Variants in FBXO38 observed in about 807,000 individuals in gnomAD.
FBXO38 encodes F-box only protein 38.
In FBXO38, 53 loss-of-function variants were observed where a neutral mutation model predicts 131.9. That is an observed-to-expected ratio of 0.40 (90% CI 0.32 to 0.51). The LOEUF is 0.51. Among genes scored for constraint, FBXO38 ranks in the 20% least tolerant of loss-of-function variants. The probability of loss-of-function intolerance (pLI) is 0.53; values close to 1 mark genes in which losing one functional copy is unlikely to be tolerated. For synonymous variants in FBXO38, 452 were observed against 505.6 expected, an observed-to-expected ratio of 0.89 and a Z score of 1.42; for missense variants, 1,076 against 1,475.6, an observed-to-expected ratio of 0.73 and a Z score of 4.44.
chr5:148,442,062 A>G lies in FBXO38; in HGVS notation c.3482A>G (p.Lys1161Arg), dbSNP rs997254848. 1.2e-6 allele frequency: 2 copies of G among 1,614,122 alleles called. No individual in the cohort carries two copies. The highest frequency in any genetic ancestry group is 2.2e-5 in the East Asian group (1 of 44,876). Residue 1161 changes from lysine to arginine, a missense_variant, in exon 22 of 22, where the codon AAG (lysine) becomes AGG (arginine). Physicochemically the swap from Lys to Arg is conservative, Grantham distance 26 (BLOSUM62 2). Around this residue, in one of 8 missense-constraint regions of FBXO38, gnomAD observed 282 missense variants for 418.8 expected, o/e 0.67. Coordinates refer to ENST00000340253, the MANE Select transcript of FBXO38 (RefSeq NM_205836.3). The part of the protein sequence containing the change: ...GEEISEMRQM[K>R]KGVFQRVVAI... ...GAAATTTCAGAGATGCGTCAGATGA[A>G]GAAGGGTGTATTTCAGCGAGTAGTG...
intron 21 of FBXO38, among the ~76,000 whole-genome samples, chr5:148,441,675 G>A (rs1360952659): frequency 6.6e-6 from 1 of 152,134 alleles, no homozygotes; most frequent in African/African-American, 2.4e-5. Context: ...AATATTTATT[G>A]TTAACCAAAG....
rs942337767 is a variant in FBXO38, at chr5:148,424,205, T to C, written c.1738+88T>C. The C allele has an allele frequency of 3.8e-6, 5 of 1,327,716 alleles. No individual in the cohort carries two copies. In the African/African-American group the frequency reaches 5.9e-5, roughly 16 times the overall value. The allele number at this position is 1,327,716 out of a possible 1,614,324, so 82.2% of individuals were successfully genotyped here. On this transcript the variant is annotated intron_variant, in intron 13 of 21. Coordinates refer to ENST00000340253, the MANE Select transcript of FBXO38 (RefSeq NM_205836.3). ...CATGAGACAGCGAGAATGATTGTTT[T>C]CTGACCTTTCAGCTAATGATACGTT...
intron 3 of FBXO38, among the ~76,000 whole-genome samples, chr5:148,400,620 G>A (rs1219670839): frequency 6.6e-6 from 1 of 152,022 alleles, no homozygotes; most frequent in East Asian, 1.9e-4. Flanking sequence ...CCTATTATCT[G>A]GCATTTAACT....
At chr5:148,428,579 T>A (rs906237081) in intron 15 of FBXO38, among the ~76,000 whole-genome samples, 3 of 152,226 alleles carry the variant, frequency 2.0e-5, no homozygotes, top group Non-Finnish European at 4.4e-5. Context: ...TAATCATAAG[T>A]CTGTTACTGT....
chr5:148,441,527 A>C, intron 21 of FBXO38: 1 of 244,188 alleles, frequency 4.1e-6, no homozygotes, highest in African/African-American at 2.2e-5. Context: ...AACTTCAACT[A>C]TATTGTTTCA....
At chr5:148,401,662 C>T (rs977616761) in intron 3 of FBXO38, among the ~76,000 whole-genome samples, 1 of 152,050 alleles carries the variant, frequency 6.6e-6, no homozygotes, top group African/African-American at 2.4e-5. Context: ...CCACTCCATC[C>T]ACCAAATAGG....
Position 148,442,018 on chromosome 5 carries a change from T to C in FBXO38, c.3438T>C (p.Cys1146=). Residue 1146 remains cysteine (C), a synonymous_variant, in exon 22 of 22, where the codon TGT becomes TGC. Transcript: ENST00000340253. ...RRKGQLSADI[C]METIGEEISE... ...AAGGACAGCTGTCTGCAGACATCTG[T>C]ATGGAAACAATAGGAGAGGAAATTT... 1 of 1,614,150 alleles carries C rather than the reference T, an allele frequency of 6.2e-7. No homozygotes were observed. Among genetic ancestry groups the C allele is most frequent in the Non-Finnish European group, 8.5e-7 (1 of 1,179,988 alleles).
At chr5:148,438,529 A>G (rs375229980) in intron 18 of FBXO38, 31 bp downstream of exon 18, 28 of 1,596,598 alleles carry the variant, frequency 1.8e-5, no homozygotes, top group Non-Finnish European at 2.4e-5. Context: ...CCGATGATAC[A>G]CATATTGTGG....
At position 148,427,865 on chromosome 5, in the gene FBXO38, G is replaced by A; in HGVS notation, c.2571G>A (p.Val857=). 6.3e-7 allele frequency: 1 copy of A among 1,584,398 alleles called. No individual in the cohort carries two copies. Among genetic ancestry groups the A allele is most frequent in the African/African-American group, 1.3e-5 (1 of 74,362 alleles). Residue 857 remains valine (V), a synonymous_variant, in exon 15 of 22, where the codon GTG becomes GTA. Transcript: ENST00000340253. ...GCTCCCAGCCTGAGAGTTGTGACGTGCAGTCTAATGAAGACTACCCTCGGA... is the reference window on the plus strand; with the variant it reads ...GCTCCCAGCCTGAGAGTTGTGACGTACAGTCTAATGAAGACTACCCTCGGA... The part of the protein sequence containing the change: ...RGSSQPESCD[V]QSNEDYPRRP...
intron 1 of FBXO38, among the ~76,000 whole-genome samples, chr5:148,389,241 A>G (rs1332532320): frequency 6.6e-6 from 1 of 152,262 alleles, no homozygotes; most frequent in Non-Finnish European, 1.5e-5. Context: ...ACATATAATA[A>G]TAATGAAAGG....
intron 1 of FBXO38, among the ~76,000 whole-genome samples, chr5:148,388,969 A>G (rs1307763123): frequency 1.3e-5 from 2 of 152,196 alleles, no homozygotes; most frequent in East Asian, 3.8e-4. Flanking sequence ...AAAGTGAGAG[A>G]TGCTCAACTC....
chr5:148,429,731 T>C (rs1003610251), intron 15 of FBXO38, among the ~76,000 whole-genome samples: 1 of 152,140 alleles, frequency 6.6e-6, no homozygotes, highest in African/African-American at 2.4e-5. Flanking sequence ...TTTTACCGTT[T>C]TTTGTTGTTT....
chr5:148,394,125 T>C (rs886441893), intron 1 of FBXO38, among the ~76,000 whole-genome samples: 1 of 152,176 alleles, frequency 6.6e-6, no homozygotes, highest in Non-Finnish European at 1.5e-5. Context: ...TATAAGCTTG[T>C]GTTTATTTTT....
At chr5:148,417,529 C>G (rs1753132087) in intron 12 of FBXO38, among the ~76,000 whole-genome samples, 1 of 152,016 alleles carries the variant, frequency 6.6e-6, no homozygotes, top group African/African-American at 2.4e-5. Flanking sequence ...TTTATTGTCT[C>G]CTAGACCAAT....
chr5:148,441,589 T>C (rs1754687780), intron 21 of FBXO38: 1 of 202,788 alleles, frequency 4.9e-6, no homozygotes, highest in Non-Finnish European at 9.7e-6. Flanking sequence ...GCTTATTGTG[T>C]GGAAACTTAT....
At chr5:148,437,286 C>T (rs371323870) in intron 17 of FBXO38, among the ~76,000 whole-genome samples, 2 of 152,204 alleles carry the variant, frequency 1.3e-5, no homozygotes, top group Non-Finnish European at 2.9e-5. Context: ...TTAGAACTGA[C>T]CTTAGTCATG....
intron 20 of FBXO38, 23 bp from the exon 21 acceptor site, chr5:148,441,101 G>C (rs1469027820): frequency 4.5e-6 from 7 of 1,568,796 alleles, no homozygotes; most frequent in Admixed American, 3.3e-5. Flanking sequence ...ACGCCAGTTA[G>C]CAATGTTACA....
Position 148,442,043 on chromosome 5 carries a change from T to G in FBXO38, c.3463T>G (p.Ser1155Ala). ...TATGGAAACAATAGGAGAGGAAATT[T>G]CAGAGATGCGTCAGATGAAGAAGGG... ...ICMETIGEEISEMRQMKKGVF... is the reference protein window; with the variant it reads ...ICMETIGEEIAEMRQMKKGVF... Residue 1155 changes from serine to alanine, a missense_variant, in exon 22 of 22, where the codon TCA (serine) becomes GCA (alanine). Physicochemically the swap from Ser to Ala is moderately conservative, Grantham distance 99. Transcript: ENST00000340253. 6.2e-7 allele frequency: 1 copy of G among 1,614,088 alleles called. No homozygotes were observed. Among genetic ancestry groups the G allele is most frequent in the Non-Finnish European group, 8.5e-7 (1 of 1,179,954 alleles).
rs1342432161 is a variant in FBXO38, at chr5:148,402,565, G to A, written c.592+52G>A. On this transcript the variant is annotated intron_variant, in intron 5 of 21. Transcript: ENST00000340253. ...GTAACTCCTTGAAATGCCATAAAAT[G>A]TGAATATTCACTGAAAAAGAATAAT... 7 of 1,367,688 alleles carry A rather than the reference G, an allele frequency of 5.1e-6. No individual in the cohort carries two copies. In the South Asian group the frequency reaches 1.0e-4, roughly 20 times the overall value. The allele number at this position is 1,367,688 out of a possible 1,614,324, so 84.7% of individuals were successfully genotyped here. A position where few individuals can be genotyped will look rare whatever the true frequency, so the allele number is the denominator to read the frequency against.
Sources: allele counts gnomAD v4.1 joint callset (sites outside exome capture counted in the v4.1 genomes callset), GRCh38; gene constraint gnomAD v4.1.1; regional missense constraint gnomAD v4.1.1; transcripts MANE v1.5; gene names NCBI Gene and HGNC (gene_info 2026-07-23, HGNC 2026-07-21).